The following NOTCH1 variants were observed in gnomAD, a reference collection of about 807,000 sequenced individuals.
NOTCH1 encodes notch receptor 1.
In NOTCH1, 37 loss-of-function variants were observed where a neutral mutation model predicts 254.8. The ratio of observed to expected loss-of-function variants is 0.15; its 90% CI spans 0.11 to 0.19. The LOEUF is 0.19. Ranked by LOEUF, NOTCH1 falls within the 10% of genes least tolerant of loss-of-function variation. The pLI is 1.00. For missense variants in NOTCH1, 2,972 were observed against 3,708.6 expected, an observed-to-expected ratio of 0.80 and a Z score of 5.16; for synonymous variants, 1,731 against 1,618.1, an observed-to-expected ratio of 1.07 and a Z score of -1.68.
At chr9:136,501,576 G>A (rs1842995829) in intron 30 of NOTCH1, among the ~76,000 whole-genome samples, 172 bp downstream of exon 30, 1 of 152,258 alleles carries the variant, frequency 6.6e-6, no homozygotes, top group East Asian at 1.9e-4. Context: ...AAGAACAGGA[G>A]GACTCCAGGA....
intron 26 of NOTCH1, among the ~76,000 whole-genome samples, chr9:136,504,329 G>T (rs1237015175): frequency 6.6e-6 from 1 of 152,252 alleles, no homozygotes; most frequent in African/African-American, 2.4e-5. Context: ...GAGCCTCCTC[G>T]CCTGGCAGAG....
Position 136,527,517 on chromosome 9 carries a change from C to A in NOTCH1, c.141-3538G>T, listed in dbSNP as rs1000443457. 2.0e-5 allele frequency among the ~76,000 whole-genome samples: 3 copies of A among 152,348 alleles called. No individual in the cohort carries two copies. The South Asian group carries it at 6.2e-4, about 32-fold the overall frequency. On this transcript the variant is annotated intron_variant, in intron 2 of 33. Transcript: ENST00000651671. ...GACCCGCACCCCACCTTCCACCGTC[C>A]CCGCATCTCCTCCTATCAGGGGCGG...
chr9:136,514,705 A>G lies in NOTCH1; in HGVS notation c.2015-3T>C. 2 of 1,611,746 alleles carry G rather than the reference A, an allele frequency of 1.2e-6. No individual in the cohort carries two copies. Among genetic ancestry groups the G allele is most frequent in the Non-Finnish European group, 1.7e-6 (2 of 1,179,598 alleles). ...GATGTTGATGTTACACATGCTCCCTAAGGGCAGGGCGGGTCAGACTCCGAG... is the reference window on the plus strand; with the variant it reads ...GATGTTGATGTTACACATGCTCCCTGAGGGCAGGGCGGGTCAGACTCCGAG... On this transcript the variant is annotated splice_region_variant and splice_polypyrimidine_tract_variant and intron_variant, in intron 12 of 33. Coordinates refer to ENST00000651671, the MANE Select transcript of NOTCH1 (RefSeq NM_017617.5).
intron 25 of NOTCH1, 45 bp downstream of exon 25, chr9:136,505,265 C>G (rs1461702931): frequency 1.9e-6 from 3 of 1,546,024 alleles, no homozygotes; most frequent in Non-Finnish European, 2.6e-6. Flanking sequence ...CAGGCCACAT[C>G]CAAGTTCAGG....
chr9:136,520,652 C>T (rs773376280), intron 4 of NOTCH1, among the ~76,000 whole-genome samples: 70 of 151,816 alleles, frequency 4.6e-4, no homozygotes, highest in Non-Finnish European at 9.6e-4. Flanking sequence ...GCAGAAGGAT[C>T]GCTTTAGCCT....
chr9:136,514,406 C>T, intron 13 of NOTCH1, 104 bp downstream of exon 13: 1 of 1,303,828 alleles, frequency 7.7e-7, no homozygotes, highest in South Asian at 1.3e-5. Flanking sequence ...CGTCCGAGGC[C>T]CGTTTCTGGC....
In NOTCH1 at chr9:136,504,752, G is replaced by C; in HGVS notation, c.4939C>G (p.Gln1647Glu). ...CCAGGGAGCAGCGAGGCCTTCACCTGGCCCAGCAGGGCGTCAGGTGCGGCC... is the reference window on the plus strand; with the variant it reads ...CCAGGGAGCAGCGAGGCCTTCACCTCGCCCAGCAGGGCGTCAGGTGCGGCC... ...GWAAPDALLGQVKASLLPGGS... is the reference protein window; with the variant it reads ...GWAAPDALLGEVKASLLPGGS... The change falls in exon 26 of 34, where the codon CAG becomes GAG. Residue 1647 changes from glutamine to glutamate, a missense_variant. This residue lies in a region of NOTCH1 where 1,343 missense variants were observed against 1,557.0 expected (regional missense o/e 0.86). Transcript: ENST00000651671. The C allele has an allele frequency of 6.5e-7, 1 of 1,547,664 alleles. No individual in the cohort carries two copies. Among genetic ancestry groups the C allele is most frequent in the Non-Finnish European group, 8.7e-7 (1 of 1,145,832 alleles).
chr9:136,527,731 C>T (rs1843487825), intron 2 of NOTCH1, among the ~76,000 whole-genome samples: 1 of 152,232 alleles, frequency 6.6e-6, no homozygotes. Flanking sequence ...GGTCACCCGG[C>T]ACCTGCCTGT....
rs769606925 is a variant in NOTCH1, at chr9:136,499,008, A to C, written c.6083-12T>G. On this transcript the variant is annotated splice_polypyrimidine_tract_variant and intron_variant, in intron 32 of 33. Coordinates refer to ENST00000651671, the MANE Select transcript of NOTCH1 (RefSeq NM_017617.5). ...CAGGGCGGACTTGCCTGCGTGAAAG[A>C]AGCAGATGGGGTAGGTTGGAGACCA... The C allele has an allele frequency of 1.1e-5, 17 of 1,613,242 alleles. No individual in the cohort carries two copies. Among genetic ancestry groups the C allele is most frequent in the Non-Finnish European group, 1.4e-5 (17 of 1,180,002 alleles).
rs759884771 is a variant in NOTCH1, at chr9:136,518,579, C to G, written c.1099+12G>C. 1.9e-6 allele frequency: 3 copies of G among 1,609,636 alleles called. No homozygotes were observed. Among genetic ancestry groups the G allele is most frequent in the East Asian group, 2.2e-5 (1 of 44,714 alleles). ...GAGCCCCCTGCGCCCACCTGGGCCTCAAGGCACTCACCTGTGCGGCCATGG... is the reference window on the plus strand; with the variant it reads ...GAGCCCCCTGCGCCCACCTGGGCCTGAAGGCACTCACCTGTGCGGCCATGG... On this transcript the variant is annotated intron_variant, in intron 6 of 33. Coordinates refer to ENST00000651671, the MANE Select transcript of NOTCH1 (RefSeq NM_017617.5).
rs1416263393 is a variant in NOTCH1, at chr9:136,510,382, CG to C, written c.2740+270del. 15 of 586,594 alleles carry C rather than the reference CG, an allele frequency of 2.6e-5. No individual in the cohort carries two copies. The Admixed American group carries it at 4.5e-4, about 17-fold the overall frequency. 36.3% of individuals were successfully genotyped at this position (586,594 alleles called of 1,614,324 possible). On this transcript the variant is annotated intron_variant, in intron 17 of 33. Transcript: ENST00000651671. ...CGATGAGCCAGGCGGGAGTGCAGGC[CG>C]GGCCCGAGCCATCCTCGGCTCAGTG...
At chr9:136,522,667 A>C (rs1035525421) in intron 4 of NOTCH1, 183 bp downstream of exon 4, 1 of 617,608 alleles carries the variant, frequency 1.6e-6, no homozygotes, top group Admixed American at 3.1e-5. Context: ...CTCCCAGCGC[A>C]CACCCCGCTC....
chr9:136,532,881 C>T (rs994773087), intron 2 of NOTCH1, among the ~76,000 whole-genome samples: 9 of 152,226 alleles, frequency 5.9e-5, no homozygotes. Context: ...GCCTGGACTG[C>T]AGCCCCTGCA....
At chr9:136,507,837 T>A in intron 21 of NOTCH1, 118 bp downstream of exon 21, 1 of 1,092,490 alleles carries the variant, frequency 9.2e-7, no homozygotes, top group Non-Finnish European at 1.4e-6. Context: ...CTAATGAGAC[T>A]GAACAGTGCA....
Position 136,505,819 on chromosome 9 carries a change from G to T in NOTCH1, c.4077C>A (p.Asn1359Lys). ...GCGGGCCGGAGATGCATGTGCCGCC[G>T]TTGAGGCAGCGCAGGCTGCCGCAGG... Reference protein sequence around the residue: ...ARTCGSLRCLNGGTCISGPRS... With the variant: ...ARTCGSLRCLKGGTCISGPRS... Residue 1359 changes from asparagine (N) to lysine (K), a missense_variant, in exon 25 of 34, where the codon AAC becomes AAA. Physicochemically the swap from Asn to Lys is moderately conservative, Grantham distance 94 (BLOSUM62 0). This residue lies in a region of NOTCH1 where 1,343 missense variants were observed against 1,557.0 expected (regional missense o/e 0.86). Transcript: ENST00000651671. The T allele has an allele frequency of 6.3e-7, 1 of 1,592,376 alleles. No individual in the cohort carries two copies. The highest frequency in any genetic ancestry group is 8.5e-7 in the Non-Finnish European group (1 of 1,174,266).
At position 136,508,397 on chromosome 9, in the gene NOTCH1, T is replaced by C. The variant is rs547259185; in HGVS notation, c.3172-12A>G. On this transcript the variant is annotated splice_polypyrimidine_tract_variant and intron_variant, in intron 19 of 33. Transcript: ENST00000651671. ...CAGTGCACAAGGTTCTGGGGACAGATTGGGGTCAGCTGGGTGCCCGCGCCC... is the reference window on the plus strand; with the variant it reads ...CAGTGCACAAGGTTCTGGGGACAGACTGGGGTCAGCTGGGTGCCCGCGCCC... 2.6e-5 allele frequency: 42 copies of C among 1,613,024 alleles called. 1 individual carries two copies. The highest frequency in any genetic ancestry group is 1.7e-4 in the African/African-American group (13 of 75,014).
rs896117991 is a variant in NOTCH1 at position 136,519,577 on chromosome 9, G to C, written c.743-12C>G. The stretch of plus-strand genomic sequence containing the variant: ...CTGGCCGGTGAAGCCTGCCGCAAGA[G>C]GGGCCGGGTCAGCCTCTTCCCTGAG... On this transcript the variant is annotated splice_polypyrimidine_tract_variant and intron_variant, in intron 4 of 33. Transcript: ENST00000651671. 4.3e-6 allele frequency: 7 copies of C among 1,612,636 alleles called. No individual in the cohort carries two copies. The highest frequency in any genetic ancestry group is 2.2e-5 in the East Asian group (1 of 44,872).
chr9:136,495,625 G>A lies in NOTCH1; in HGVS notation c.*446C>T, dbSNP rs528048914. 27 of 401,490 alleles carry A rather than the reference G, an allele frequency of 6.7e-5. No homozygotes were observed. Among genetic ancestry groups the A allele is most frequent in the Non-Finnish European group, 1.1e-4 (24 of 227,988 alleles). The allele number at this position is 401,490 out of a possible 1,614,324, so 24.9% of individuals were successfully genotyped here. On this transcript the variant is annotated 3_prime_UTR_variant, in exon 34 of 34. Coordinates refer to ENST00000651671, the MANE Select transcript of NOTCH1 (RefSeq NM_017617.5). ...TGGGTGGGCGTCGGGGAAAGGGCGCGGCCTGGACGCCCCAGGAGCTTTTTG... is the reference window on the plus strand; with the variant it reads ...TGGGTGGGCGTCGGGGAAAGGGCGCAGCCTGGACGCCCCAGGAGCTTTTTG...
chr9:136,523,938 T>C lies in NOTCH1; in HGVS notation c.182A>G (p.Asn61Ser), dbSNP rs1554730749. The change falls in exon 3 of 34, where the codon AAC becomes AGC. Residue 61 changes from asparagine to serine, a missense_variant. Asn to Ser is a conservative substitution (Grantham distance 46, BLOSUM62 1). Around this residue, in one of 8 missense-constraint regions of NOTCH1, gnomAD observed 374 missense variants for 496.3 expected, o/e 0.75. Coordinates refer to ENST00000651671, the MANE Select transcript of NOTCH1 (RefSeq NM_017617.5). ...CTTGCAGGGGGTGCTGAGGCACGGG[T>C]TGGGGTCCTGGCATCGCGGGCCCAC... Reference protein sequence around the residue: ...AFVGPRCQDPNPCLSTPCKNA... With the variant: ...AFVGPRCQDPSPCLSTPCKNA... 1.3e-6 allele frequency: 2 copies of C among 1,585,512 alleles called. No individual in the cohort carries two copies. The highest frequency in any genetic ancestry group is 1.7e-6 in the Non-Finnish European group (2 of 1,166,150).
Sources: allele counts gnomAD v4.1 joint callset (sites outside exome capture counted in the v4.1 genomes callset), GRCh38; gene constraint gnomAD v4.1.1; regional missense constraint gnomAD v4.1.1; transcripts MANE v1.5; gene names NCBI Gene and HGNC (gene_info 2026-07-23, HGNC 2026-07-21).